HELZ: variants seen among roughly 807,000 people sequenced by gnomAD.
HELZ encodes ATP-dependent RNA helicase with zinc finger domain.
In HELZ, 23 loss-of-function variants were observed where a neutral mutation model predicts 218.2. The ratio of observed to expected loss-of-function variants is 0.11; its 90% CI spans 0.08 to 0.15. HELZ has a LOEUF of 0.15. Among genes scored for constraint, HELZ ranks in the 10% least tolerant of loss-of-function variants. HELZ has a pLI of 1.00. For synonymous variants in HELZ, 814 were observed against 829.4 expected (o/e 0.98, Z 0.32); for missense variants, 1,813 against 2,353.7 (o/e 0.77, Z 4.75).
At chr17:67,129,167 A>G (rs1437977969) in intron 23 of HELZ, among the ~76,000 whole-genome samples, 1 of 152,072 alleles carries the variant, frequency 6.6e-6, no homozygotes, top group Non-Finnish European at 1.5e-5. Flanking sequence ...TTTATTACCC[A>G]TATAATAAGT....
intron 7 of HELZ, among the ~76,000 whole-genome samples, chr17:67,196,065 TG>T (rs1348358511): frequency 3.3e-5 from 5 of 152,080 alleles, no homozygotes; most frequent in African/African-American, 1.2e-4. Flanking sequence ...TTGGCCAGGC[TG>T]GTCTCCAACT....
At chr17:67,173,908 A>G (rs2039380233) in intron 13 of HELZ, among the ~76,000 whole-genome samples, 1 of 152,256 alleles carries the variant, frequency 6.6e-6, no homozygotes, top group South Asian at 2.1e-4. Flanking sequence ...GAAGCCAGGC[A>G]CAATGACCCA....
chr17:67,195,349 C>A lies in HELZ; in HGVS notation c.481+70G>T, dbSNP rs77558321. On this transcript the variant is annotated intron_variant, in intron 8 of 32. Coordinates refer to ENST00000358691, the MANE Select transcript of HELZ (RefSeq NM_014877.4). Reference sequence around the variant, plus strand: ...TATGTACTGTAACTCAGTAAATTTTCTCCCAATAATTAATAAAAGCAAAGC... The same window carrying A: ...TATGTACTGTAACTCAGTAAATTTTATCCCAATAATTAATAAAAGCAAAGC... The A allele has an allele frequency of 3.2e-3, 2,839 of 884,028 alleles. 45 individuals carry two copies. In the African/African-American group the frequency reaches 0.037, roughly 11 times the overall value. 54.8% of individuals were successfully genotyped at this position (884,028 alleles called of 1,614,324 possible).
At chr17:67,158,980 C>T (rs2038922072) in intron 17 of HELZ, among the ~76,000 whole-genome samples, 1 of 152,092 alleles carries the variant, frequency 6.6e-6, no homozygotes. Flanking sequence ...ACCAAGTACA[C>T]CACGATAACT....
intron 12 of HELZ, 151 bp from the exon 13 acceptor site, chr17:67,179,077 T>C (rs1002531820): frequency 7.9e-5 from 44 of 557,564 alleles, no homozygotes; most frequent in Non-Finnish European, 1.2e-4. Context: ...CAAATACCCA[T>C]TGACTATTTC....
At position 67,130,698 on chromosome 17, in the gene HELZ, T is replaced by C. The variant is rs547515091; in HGVS notation, c.3183-1843A>G. On this transcript the variant is annotated intron_variant, in intron 23 of 32. Coordinates refer to ENST00000358691, the MANE Select transcript of HELZ (RefSeq NM_014877.4). The stretch of plus-strand genomic sequence containing the variant: ...CACTTTCCCACCCTTTTAATAAGAA[T>C]AGCCACAATATTCAACTGCATATTT... 2.0e-4 allele frequency among the ~76,000 whole-genome samples: 30 copies of C among 152,282 alleles called. No homozygotes were observed. In the East Asian group the frequency reaches 5.0e-3, roughly 25 times the overall value.
At chr17:67,185,545 C>T (rs903692636) in intron 12 of HELZ, among the ~76,000 whole-genome samples, 1 of 152,108 alleles carries the variant, frequency 6.6e-6, no homozygotes, top group East Asian at 1.9e-4. Flanking sequence ...AGTCATTATG[C>T]TGATGACCAA....
At chr17:67,131,178 G>A (rs572239988) in intron 23 of HELZ, among the ~76,000 whole-genome samples, 2 of 152,188 alleles carry the variant, frequency 1.3e-5, no homozygotes, top group South Asian at 2.1e-4. Context: ...ATGAGCTACT[G>A]TACGCAGCCT....
intron 17 of HELZ, among the ~76,000 whole-genome samples, chr17:67,154,089 AATT>A (rs1472713626): frequency 1.3e-5 from 2 of 152,242 alleles, no homozygotes; most frequent in Non-Finnish European, 2.9e-5. Context: ...AGCAAACTTA[AATT>A]ATTTTTGGAA....
In HELZ at chr17:67,160,965, G is replaced by A. The variant is rs760131176; in HGVS notation, c.2007C>T (p.Pro669=). Residue 669 remains proline (P), a synonymous_variant, in exon 16 of 33, where the codon CCC becomes CCT. Transcript: ENST00000358691. ...IQLPPVLIIG[P]YGTGKTFTLA... is the part of the protein sequence containing the mutation. ...GAGTGAACGTTTTGCCTGTCCCATA[G>A]GGTCCGATGATAAGCACAGGCGGCA... 106 of 1,613,610 alleles carry A rather than the reference G, an allele frequency of 6.6e-5. No homozygotes were observed. Among genetic ancestry groups the A allele is most frequent in the Middle Eastern group, 1.6e-4 (1 of 6,080 alleles).
At chr17:67,157,253 T>C (rs1021038566) in intron 17 of HELZ, among the ~76,000 whole-genome samples, 1 of 152,124 alleles carries the variant, frequency 6.6e-6, no homozygotes, top group Non-Finnish European at 1.5e-5. Context: ...AACGGCCTAA[T>C]ACACTCATCA....
At chr17:67,241,468 C>T (rs920505100) in intron 2 of HELZ, among the ~76,000 whole-genome samples, 1 of 152,166 alleles carries the variant, frequency 6.6e-6, no homozygotes, top group Non-Finnish European at 1.5e-5. Flanking sequence ...AAGATCTGGG[C>T]TACTTACTTG....
intron 32 of HELZ, among the ~76,000 whole-genome samples, chr17:67,080,754 T>C (rs1200423540): frequency 6.6e-6 from 1 of 152,192 alleles, no homozygotes; most frequent in African/African-American, 2.4e-5. Context: ...AAGGCTGATA[T>C]GTCCTAAGGG....
chr17:67,093,765 C>T (rs1394021246), intron 31 of HELZ, among the ~76,000 whole-genome samples: 5 of 152,048 alleles, frequency 3.3e-5, no homozygotes, highest in Non-Finnish European at 5.9e-5. Flanking sequence ...TCACCTCTTG[C>T]CTAGATAACT....
chr17:67,231,788 C>T (rs1220709322), intron 3 of HELZ, among the ~76,000 whole-genome samples: 1 of 151,716 alleles, frequency 6.6e-6, no homozygotes, highest in Non-Finnish European at 1.5e-5. Flanking sequence ...TGCGGTGGCT[C>T]ACACCTGTAA....
At chr17:67,084,617 C>G (rs1475656724) in intron 32 of HELZ, among the ~76,000 whole-genome samples, 2 of 147,682 alleles carry the variant, frequency 1.4e-5, no homozygotes, top group South Asian at 2.1e-4. Flanking sequence ...GAGCCGAGAT[C>G]GCGCCACTGC....
intron 31 of HELZ, among the ~76,000 whole-genome samples, chr17:67,087,385 T>C (rs1221312663): frequency 2.6e-5 from 4 of 152,208 alleles, no homozygotes; most frequent in Admixed American, 2.6e-4. Flanking sequence ...AATATGGGAA[T>C]TGAAGTAGTT....
intron 31 of HELZ, 118 bp downstream of exon 31, chr17:67,107,051 A>G: frequency 1.0e-6 from 1 of 994,196 alleles, no homozygotes; most frequent in Non-Finnish European, 1.5e-6. Context: ...CCAAGAAAGG[A>G]TTATCTTTAA....
intron 11 of HELZ, among the ~76,000 whole-genome samples, chr17:67,189,063 A>G (rs944211544): frequency 6.6e-6 from 1 of 152,206 alleles, no homozygotes; most frequent in Non-Finnish European, 1.5e-5. Context: ...CACAAAAAAG[A>G]CAAAAACTTT....
Sources: allele counts gnomAD v4.1 joint callset (sites outside exome capture counted in the v4.1 genomes callset), GRCh38; gene constraint gnomAD v4.1.1; transcripts MANE v1.5; gene names NCBI Gene and HGNC (gene_info 2026-07-23, HGNC 2026-07-21).